The following ESD variants were observed in gnomAD, a reference collection of about 807,000 sequenced individuals.
ESD encodes the protein esterase D.
In ESD, 34 loss-of-function variants were observed where a neutral mutation model predicts 38.1. That is an observed-to-expected ratio of 0.89 (90% CI 0.68 to 1.19). The LOEUF (loss-of-function observed/expected upper bound fraction) is 1.19, where lower values mean the gene tolerates loss of function less well. ESD is among the 50% of genes most tolerant of loss of function. The pLI is 0.00. For missense variants in ESD, 334 were observed against 327.2 expected, an observed-to-expected ratio of 1.02 and a Z score of -0.16; for synonymous variants, 97 against 107.0, an observed-to-expected ratio of 0.91 and a Z score of 0.58.
chr13:46,787,159 A>ATT, intron 3 of ESD, 50 bp from the exon 4 acceptor site: 1 of 1,051,580 alleles, frequency 9.5e-7, no homozygotes, highest in Non-Finnish European at 1.4e-6. Context: ...TCATTAATCA[A>ATT]TACAGAAACA....
intron 8 of ESD, among the ~76,000 whole-genome samples, chr13:46,779,411 A>C (rs1043734398): frequency 1.6e-4 from 25 of 151,556 alleles, no homozygotes; most frequent in Admixed American, 5.9e-4. Flanking sequence ...CCAAAATCAG[A>C]AATGCTCCAA....
At chr13:46,775,022 A>G (rs938755201) in intron 9 of ESD, among the ~76,000 whole-genome samples, 2 of 152,142 alleles carry the variant, frequency 1.3e-5, no homozygotes, top group African/African-American at 4.8e-5. Flanking sequence ...ACAAAAAGAG[A>G]TTACTATTTC....
intron 9 of ESD, among the ~76,000 whole-genome samples, chr13:46,773,667 G>A (rs983597531): frequency 6.6e-6 from 1 of 152,186 alleles, no homozygotes; most frequent in Admixed American, 6.5e-5. Flanking sequence ...CTTGGGAACA[G>A]CTGTTAATAA....
intron 5 of ESD, 93 bp downstream of exon 5, chr13:46,784,159 A>G (rs990182796): frequency 1.0e-6 from 1 of 968,574 alleles, no homozygotes; most frequent in African/African-American, 1.7e-5. Context: ...GCAAAAATAT[A>G]AAATGAATTG....
intron 2 of ESD, among the ~76,000 whole-genome samples, chr13:46,791,980 T>G (rs1875420311): frequency 1.3e-5 from 2 of 152,038 alleles, no homozygotes; most frequent in Non-Finnish European, 2.9e-5. Flanking sequence ...ATATGAAACT[T>G]TAAGATCAAC....
At chr13:46,781,449 T>C (rs752094350) in intron 7 of ESD, 47 bp downstream of exon 7, 4 of 1,487,864 alleles carry the variant, frequency 2.7e-6, no homozygotes, top group African/African-American at 1.4e-5. Context: ...CCTAATATTA[T>C]GTTATTCAAG....
intron 7 of ESD, among the ~76,000 whole-genome samples, 159 bp from the exon 8 acceptor site, chr13:46,780,192 T>A (rs1874951650): frequency 1.3e-5 from 2 of 151,852 alleles, no homozygotes; most frequent in Middle Eastern, 6.8e-3. Flanking sequence ...TTTTGATATA[T>A]TGCTGGCTTA....
intron 1 of ESD, among the ~76,000 whole-genome samples, chr13:46,793,741 CA>C (rs981804893): frequency 1.3e-5 from 2 of 152,082 alleles, no homozygotes; most frequent in African/African-American, 4.8e-5. Context: ...AATCAATAAA[CA>C]AAGTTTTCAA....
chr13:46,787,291 A>C (rs1875227193), intron 3 of ESD, among the ~76,000 whole-genome samples, 182 bp from the exon 4 acceptor site: 4 of 151,996 alleles, frequency 2.6e-5, no homozygotes, highest in Non-Finnish European at 5.9e-5. Context: ...TAAAGAAAGA[A>C]TGTGGTCAAT....
At chr13:46,787,172 A>C in intron 3 of ESD, 63 bp from the exon 4 acceptor site, 2 of 903,584 alleles carry the variant, frequency 2.2e-6, no homozygotes, top group Non-Finnish European at 3.3e-6. Flanking sequence ...CAGAAACAAA[A>C]TAATTATGCA....
chr13:46,795,521 C>A (rs1875542119), intron 1 of ESD, among the ~76,000 whole-genome samples: 1 of 152,210 alleles, frequency 6.6e-6, no homozygotes, highest in Admixed American at 6.5e-5. Flanking sequence ...CTCATCACCC[C>A]CTGGCTGCTG....
At chr13:46,796,029 T>A (rs753945701) in intron 1 of ESD, among the ~76,000 whole-genome samples, 3 of 151,772 alleles carry the variant, frequency 2.0e-5, no homozygotes, top group Admixed American at 6.6e-5. Flanking sequence ...CTGGGGAAAA[T>A]TTTTTAAAAA....
At chr13:46,791,549 ATT>A in intron 2 of ESD, 129 bp from the exon 3 acceptor site, 5 of 640,382 alleles carry the variant, frequency 7.8e-6, no homozygotes, top group Non-Finnish European at 5.4e-6. Context: ...TTTTTTTCAC[ATT>A]TTTCTCCAGT....
intron 8 of ESD, 95 bp from the exon 9 acceptor site, chr13:46,777,718 CT>C (rs1259160225): frequency 7.1e-6 from 7 of 984,436 alleles, no homozygotes; most frequent in Non-Finnish European, 8.5e-6. Flanking sequence ...GTTATTTAAG[CT>C]CTTAGGCTGA....
intron 8 of ESD, 116 bp downstream of exon 8, chr13:46,779,819 A>C: frequency 2.5e-6 from 1 of 402,610 alleles, no homozygotes. Flanking sequence ...TCTTTTGCTA[A>C]TTTGTCTCAG....
Position 46,791,369 on chromosome 13 carries a change from C to T in ESD, c.45G>A (p.Leu15=). The T allele has an allele frequency of 6.2e-7, 1 of 1,612,840 alleles. No homozygotes were observed. The highest frequency in any genetic ancestry group is 8.5e-7 in the Non-Finnish European group (1 of 1,179,294). The change falls in exon 3 of 10, where the codon TTG becomes TTA. Residue 15 remains leucine (L), a synonymous_variant. Coordinates refer to ENST00000378720, the MANE Select transcript of ESD (RefSeq NM_001984.2). ...QISSNKCFGG[L]QKVFEHDSVE... is the part of the protein sequence containing the mutation. ...ACCTGTCATGTTCAAAAACTTTCTG[C>T]AATCCCCCAAAGCACTTGTTGCTGG...
intron 9 of ESD, among the ~76,000 whole-genome samples, chr13:46,773,604 G>C (rs1874690193): frequency 6.6e-6 from 1 of 152,186 alleles, no homozygotes; most frequent in Admixed American, 6.5e-5. Flanking sequence ...AGGTTTTGAT[G>C]AATCAGTAAA....
At position 46,777,519 on chromosome 13, in the gene ESD, G is replaced by A; in HGVS notation, c.705C>T (p.Leu235=). Residue 235 remains leucine (L), a synonymous_variant, in exon 9 of 10, where the codon CTC becomes CTT. Coordinates refer to ENST00000378720, the MANE Select transcript of ESD (RefSeq NM_001984.2). Reference sequence around the variant, plus strand: ...TACAGGCAGCTATGAAGTTATCAGGGAGTAACTGTCCATCTAAAAGAAACT... The same window carrying A: ...TACAGGCAGCTATGAAGTTATCAGGAAGTAACTGTCCATCTAAAAGAAACT... The part of the protein sequence containing the change: ...DDQFLLDGQL[L]PDNFIAACTE... The A allele has an allele frequency of 3.7e-6, 6 of 1,611,192 alleles. No homozygotes were observed. The highest frequency in any genetic ancestry group is 5.1e-6 in the Non-Finnish European group (6 of 1,178,130).
chr13:46,776,861 G>C (rs546176441), intron 9 of ESD: 1 of 152,034 alleles, frequency 6.6e-6, no homozygotes, highest in East Asian at 1.9e-4. Context: ...AATAAAAGCA[G>C]AACTTCCTTA....
Sources: allele counts gnomAD v4.1 joint callset (sites outside exome capture counted in the v4.1 genomes callset), GRCh38; gene constraint gnomAD v4.1.1; transcripts MANE v1.5; gene names NCBI Gene and HGNC (gene_info 2026-07-23, HGNC 2026-07-21).